HCN1: variants seen among roughly 807,000 people sequenced by gnomAD.
The protein encoded by HCN1 is potassium/sodium hyperpolarization-activated cyclic nucleotide-gated channel 1.
In HCN1, 13 loss-of-function variants were observed where a neutral mutation model predicts 78.9. That is an observed-to-expected ratio of 0.16 (90% CI 0.11 to 0.26). The LOEUF (loss-of-function observed/expected upper bound fraction) is 0.26. Among genes scored for constraint, HCN1 ranks in the 10% least tolerant of loss-of-function variants. The probability of loss-of-function intolerance (pLI) is 1.00; values close to 1 mark genes in which losing one functional copy is unlikely to be tolerated. For synonymous variants in HCN1, 552 were observed against 455.5 expected (o/e 1.21, Z -2.70); for missense variants, 810 against 1,154.3 (o/e 0.70, Z 4.32).
intron 3 of HCN1, among the ~76,000 whole-genome samples, chr5:45,404,551 AGTACC>A (rs1473996432): frequency 6.6e-6 from 1 of 151,798 alleles, no homozygotes; most frequent in Admixed American, 6.6e-5. Context: ...GAACATAGTA[AGTACC>A]TTTGCTTATT....
intron 3 of HCN1, among the ~76,000 whole-genome samples, chr5:45,460,498 C>A (rs1413441410): frequency 6.6e-6 from 1 of 151,874 alleles, no homozygotes; most frequent in Non-Finnish European, 1.5e-5. Context: ...AAATACAGGA[C>A]AGAAGAGAAC....
At chr5:45,305,149 A>G (rs1034926080) in intron 5 of HCN1, among the ~76,000 whole-genome samples, 1 of 152,164 alleles carries the variant, frequency 6.6e-6, no homozygotes, top group African/African-American at 2.4e-5. Context: ...ATAGGTATTA[A>G]CAGAGTCTGA....
rs577510011 is a variant in HCN1 at position 45,353,538 on chromosome 5, G to T, written c.1231-292C>A. ...TAAGGGAGTAGCTACAGAAAAGCCA[G>T]TGATGGGGCAAAAACAAAATGTTAT... On this transcript the variant is annotated intron_variant, in intron 4 of 7. Transcript: ENST00000303230. Among the ~76,000 whole-genome samples, 6 of 152,090 alleles carry T rather than the reference G, an allele frequency of 3.9e-5. 1 individual carries two copies. The South Asian group carries it at 1.0e-3, about 26-fold the overall frequency.
intron 2 of HCN1, among the ~76,000 whole-genome samples, chr5:45,547,380 T>C (rs1456841433): frequency 1.3e-5 from 2 of 151,964 alleles, no homozygotes; most frequent in Non-Finnish European, 2.9e-5. Context: ...TAGCAATTTA[T>C]ATTAAAGTAG....
intron 3 of HCN1, among the ~76,000 whole-genome samples, chr5:45,404,501 T>G (rs934643763): frequency 2.0e-5 from 3 of 149,550 alleles, no homozygotes; most frequent in Non-Finnish European, 4.5e-5. Context: ...GAAAATAATT[T>G]TTTTTTTTTT....
At chr5:45,661,041 C>A (rs1332354309) in intron 1 of HCN1, among the ~76,000 whole-genome samples, 1 of 124,358 alleles carries the variant, frequency 8.0e-6, no homozygotes, top group African/African-American at 3.1e-5. Flanking sequence ...CAAAATTGAC[C>A]ACATAGTTGG....
intron 2 of HCN1, among the ~76,000 whole-genome samples, chr5:45,518,527 T>C (rs533693054): frequency 6.6e-6 from 1 of 152,024 alleles, no homozygotes; most frequent in South Asian, 2.1e-4. Context: ...AAGCAGGTTA[T>C]ATTGAGAGTG....
chr5:45,573,681 A>T (rs998552597), intron 2 of HCN1, among the ~76,000 whole-genome samples: 2 of 151,718 alleles, frequency 1.3e-5, no homozygotes, highest in East Asian at 3.9e-4. Context: ...CTATATACTT[A>T]AAAAAAATCT....
At chr5:45,668,568 C>A (rs550449847) in intron 1 of HCN1, among the ~76,000 whole-genome samples, 1 of 152,018 alleles carries the variant, frequency 6.6e-6, no homozygotes, top group South Asian at 2.1e-4. Context: ...CGGACTGATA[C>A]AGTCACACAT....
chr5:45,308,981 A>G (rs888836294), intron 5 of HCN1, among the ~76,000 whole-genome samples: 2 of 152,100 alleles, frequency 1.3e-5, no homozygotes, highest in African/African-American at 4.8e-5. Flanking sequence ...AACAATATTG[A>G]TTCTTCTTAT....
At chr5:45,402,485 A>G (rs953324759) in intron 3 of HCN1, among the ~76,000 whole-genome samples, 3 of 152,148 alleles carry the variant, frequency 2.0e-5, no homozygotes, top group Non-Finnish European at 4.4e-5. Flanking sequence ...CTCCTGCCTC[A>G]CAACAAAAAA....
intron 4 of HCN1, among the ~76,000 whole-genome samples, chr5:45,372,505 A>G (rs1206222744): frequency 7.8e-6 from 1 of 128,826 alleles, no homozygotes; most frequent in South Asian, 2.3e-4. Flanking sequence ...AAAAATATAT[A>G]AAACATTTAC....
At chr5:45,623,439 A>T (rs1711711408) in intron 2 of HCN1, among the ~76,000 whole-genome samples, 1 of 152,178 alleles carries the variant, frequency 6.6e-6, no homozygotes, top group Non-Finnish European at 1.5e-5. Context: ...AGGTTATCTA[A>T]TACCCTTTGT....
intron 2 of HCN1, among the ~76,000 whole-genome samples, chr5:45,498,645 G>A (rs1000787104): frequency 2.0e-5 from 3 of 152,148 alleles, no homozygotes; most frequent in African/African-American, 7.2e-5. Flanking sequence ...CGTTCCTTTG[G>A]AGGAGGAGAG....
At chr5:45,520,362 C>G (rs559993779) in intron 2 of HCN1, among the ~76,000 whole-genome samples, 1 of 152,008 alleles carries the variant, frequency 6.6e-6, no homozygotes, top group South Asian at 2.1e-4. Context: ...GCATCTGCTC[C>G]AGTCTCAGTC....
At chr5:45,546,870 C>T (rs1006898927) in intron 2 of HCN1, among the ~76,000 whole-genome samples, 2 of 151,822 alleles carry the variant, frequency 1.3e-5, no homozygotes, top group African/African-American at 4.8e-5. Context: ...GAGTAGAATA[C>T]TTTACTTATT....
intron 2 of HCN1, among the ~76,000 whole-genome samples, chr5:45,509,392 AGAAAAATAAAGG>A (rs1166947298): frequency 2.0e-5 from 3 of 152,116 alleles, no homozygotes; most frequent in African/African-American, 7.2e-5. Context: ...TGAGGAGGAG[AGAAAAATAAAGG>A]GAAAAAAAAG....
At chr5:45,316,363 C>A (rs189176900) in intron 5 of HCN1, among the ~76,000 whole-genome samples, 221 of 152,144 alleles carry the variant, frequency 1.5e-3, no homozygotes, top group African/African-American at 4.0e-3. Context: ...AAATTCAACA[C>A]CCCTTCATGC....
intron 3 of HCN1, among the ~76,000 whole-genome samples, chr5:45,400,200 CTT>C (rs1320582770): frequency 6.6e-6 from 1 of 151,874 alleles, no homozygotes; most frequent in Non-Finnish European, 1.5e-5. Context: ...GGAGACTACA[CTT>C]TATTTCTATT....
Sources: allele counts gnomAD v4.1 joint callset (sites outside exome capture counted in the v4.1 genomes callset), GRCh38; gene constraint gnomAD v4.1.1; transcripts MANE v1.5; gene names NCBI Gene and HGNC (gene_info 2026-07-23, HGNC 2026-07-21).